The following NCKAP5 variants were observed in gnomAD, a reference collection of about 807,000 sequenced individuals.
NCKAP5 encodes nck-associated protein 5.
A neutral mutation model predicts 167.0 loss-of-function variants in NCKAP5; 92 were observed. The ratio of observed to expected loss-of-function variants is 0.55; its 90% confidence interval spans 0.47 to 0.66. The LOEUF (loss-of-function observed/expected upper bound fraction) is 0.66, where lower values mean the gene tolerates loss of function less well. Ranked by LOEUF, NCKAP5 falls within the 30% of genes least tolerant of loss-of-function variation. The probability of loss-of-function intolerance (pLI) is 0.00; values close to 1 mark genes in which losing one functional copy is unlikely to be tolerated. For synonymous variants in NCKAP5, 891 were observed against 877.4 expected, an observed-to-expected ratio of 1.02 and a Z score of -0.27; for missense variants, 2,378 against 2,315.0, an observed-to-expected ratio of 1.03 and a Z score of -0.56.
At chr2:133,540,534 TA>T (rs1204041802) in intron 2 of NCKAP5, among the ~76,000 whole-genome samples, 1 of 152,146 alleles carries the variant, frequency 6.6e-6, no homozygotes, top group African/African-American at 2.4e-5. Flanking sequence ...TAATGAAGGA[TA>T]TACTTTAGCA....
intron 6 of NCKAP5, among the ~76,000 whole-genome samples, chr2:133,075,508 G>T (rs1292018367): frequency 2.0e-5 from 3 of 152,060 alleles, no homozygotes; most frequent in Non-Finnish European, 2.9e-5. Flanking sequence ...AAGCAAAAAA[G>T]AATAACACTT....
At chr2:132,703,400 A>C (rs1237207175) in intron 19 of NCKAP5, among the ~76,000 whole-genome samples, 1 of 152,176 alleles carries the variant, frequency 6.6e-6, no homozygotes, top group Non-Finnish European at 1.5e-5. Flanking sequence ...GAGCTTTATT[A>C]CTTCATGTTA....
At chr2:133,570,404 AG>A (rs1688820954), upstream of NCKAP5, among the ~76,000 whole-genome samples, 1 of 152,204 alleles carries the variant, frequency 6.6e-6, no homozygotes, top group Admixed American at 6.5e-5. Flanking sequence ...GACCTATAGT[AG>A]GTGCTCAAGA....
At chr2:133,427,026 A>G (rs569466815) in intron 3 of NCKAP5, among the ~76,000 whole-genome samples, 15 of 152,356 alleles carry the variant, frequency 9.8e-5, no homozygotes, top group Non-Finnish European at 2.2e-4. Context: ...ATTTGAGCTG[A>G]GAGTTTTTCA....
chr2:133,456,056 T>A (rs1323067253), intron 3 of NCKAP5, among the ~76,000 whole-genome samples: 1 of 152,192 alleles, frequency 6.6e-6, no homozygotes, highest in African/African-American at 2.4e-5. Context: ...TCTCTGCACA[T>A]TTGTTGTTTT....
At chr2:133,435,925 G>A (rs976791097) in intron 3 of NCKAP5, among the ~76,000 whole-genome samples, 3 of 152,002 alleles carry the variant, frequency 2.0e-5, no homozygotes, top group South Asian at 2.1e-4. Context: ...CACATTCTAC[G>A]CGATCAAAAC....
chr2:133,361,981 A>C (rs181899559), intron 3 of NCKAP5, among the ~76,000 whole-genome samples: 5 of 151,910 alleles, frequency 3.3e-5, no homozygotes, highest in Admixed American at 1.3e-4. Flanking sequence ...TAATCAAGGA[A>C]TTGAGAGAAG....
intron 6 of NCKAP5, among the ~76,000 whole-genome samples, chr2:132,998,421 T>C (rs2149323270): frequency 6.6e-6 from 1 of 152,288 alleles, no homozygotes; most frequent in East Asian, 1.9e-4. Context: ...CACTACTTTA[T>C]GATTAATCAA....
intron 3 of NCKAP5, among the ~76,000 whole-genome samples, chr2:133,339,195 T>C (rs1255152434): frequency 3.9e-5 from 6 of 152,120 alleles, no homozygotes; most frequent in African/African-American, 9.7e-5. Flanking sequence ...CTCTTAGCAA[T>C]AGAGAGAAAT....
chr2:133,667,905 A>G, the NCKAP5 span, among the ~76,000 whole-genome samples: 13 of 152,138 alleles, frequency 8.5e-5, no homozygotes, highest in African/African-American at 3.1e-4. Context: ...TGTCAACCCC[A>G]AAAAGAAAGC....
intron 6 of NCKAP5, among the ~76,000 whole-genome samples, chr2:133,052,513 T>A (rs1188579995): frequency 6.6e-6 from 1 of 151,722 alleles, no homozygotes; most frequent in Non-Finnish European, 1.5e-5. Context: ...AGGTCAGGAG[T>A]TTGAGACCAG....
At chr2:133,402,452 A>T (rs1688163500) in intron 3 of NCKAP5, among the ~76,000 whole-genome samples, 1 of 152,168 alleles carries the variant, frequency 6.6e-6, no homozygotes, top group Non-Finnish European at 1.5e-5. Context: ...TTTAGTAACA[A>T]AGTAAACTGT....
chr2:132,982,899 C>A lies in NCKAP5; in HGVS notation c.429+11253G>T, dbSNP rs563979908. Among the ~76,000 whole-genome samples, 7 of 152,216 alleles carry A rather than the reference C, an allele frequency of 4.6e-5. No individual in the cohort carries two copies. In the South Asian group the frequency reaches 1.5e-3, roughly 32 times the overall value. ...CTGTGGTGTATATATACAACATTTT[C>A]TTTATCCAGACCACCACTGATAGGG... On this transcript the variant is annotated intron_variant, in intron 7 of 19. Transcript: ENST00000409261.
intron 15 of NCKAP5, among the ~76,000 whole-genome samples, chr2:132,777,981 GA>G (rs1289805087): frequency 6.6e-6 from 1 of 151,956 alleles, no homozygotes; most frequent in Non-Finnish European, 1.5e-5. Flanking sequence ...TTTTGTTAAT[GA>G]TTTTTATTTT....
chr2:132,766,782 T>C (rs1007508133), intron 16 of NCKAP5, among the ~76,000 whole-genome samples: 2 of 152,232 alleles, frequency 1.3e-5, no homozygotes, highest in Admixed American at 6.5e-5. Flanking sequence ...AGGCATTCTC[T>C]CCTCTGCTGG....
chr2:132,850,118 G>GT (rs1455786446), intron 11 of NCKAP5, among the ~76,000 whole-genome samples: 4 of 152,086 alleles, frequency 2.6e-5, no homozygotes, highest in African/African-American at 9.7e-5. Context: ...GCATAAACAT[G>GT]TTTCTAGGGC....
At chr2:132,800,170 G>C (rs1236513457) in intron 11 of NCKAP5, among the ~76,000 whole-genome samples, 1 of 152,106 alleles carries the variant, frequency 6.6e-6, no homozygotes, top group Admixed American at 6.6e-5. Context: ...CTGTCAAAAA[G>C]AGCATAACTG....
At chr2:132,873,314 C>T (rs1024059028) in intron 9 of NCKAP5, among the ~76,000 whole-genome samples, 6 of 152,120 alleles carry the variant, frequency 3.9e-5, no homozygotes, top group Admixed American at 1.3e-4. Flanking sequence ...GGGGTTTCAC[C>T]ATATCAGCCA....
chr2:133,288,631 A>G (rs190887759), intron 4 of NCKAP5, among the ~76,000 whole-genome samples: 6 of 152,080 alleles, frequency 3.9e-5, no homozygotes, highest in East Asian at 3.9e-4. Flanking sequence ...ACATTATTCA[A>G]TAGAATAATT....
Sources: allele counts gnomAD v4.1 joint callset (sites outside exome capture counted in the v4.1 genomes callset), GRCh38; gene constraint gnomAD v4.1.1; transcripts MANE v1.5; gene names NCBI Gene and HGNC (gene_info 2026-07-23, HGNC 2026-07-21).